TNRC6A: variants seen among roughly 807,000 people sequenced by gnomAD.
The protein encoded by TNRC6A is trinucleotide repeat containing adaptor 6A.
In TNRC6A, 44 loss-of-function variants were observed where a neutral mutation model predicts 221.2. The observed-to-expected ratio is 0.20, with a 90% CI of 0.16 to 0.26. TNRC6A has a LOEUF of 0.26. Among genes scored for constraint, TNRC6A ranks in the 10% least tolerant of loss-of-function variants. TNRC6A has a pLI of 1.00. For missense variants in TNRC6A, 2,199 were observed against 2,404.4 expected (o/e 0.91, Z 1.79); for synonymous variants, 847 against 838.5 (o/e 1.01, Z -0.18).
In TNRC6A at chr16:24,776,328, A is replaced by G. The variant is rs137991195; in HGVS notation, c.164-605A>G. 606 of 984,704 alleles carry G rather than the reference A, an allele frequency of 6.2e-4. 2 individuals are homozygous for G. In the African/African-American group the frequency reaches 0.01, roughly 16 times the overall value. 61.0% of individuals were successfully genotyped at this position (984,704 alleles called of 1,614,324 possible). ...TATCTCATTTTGATTCATCTCATAG[A>G]TAACGTTATCTTTGTCTTTAGTTCC... is the stretch of plus-strand genomic sequence containing the variant. On this transcript the variant is annotated intron_variant, in intron 4 of 24. Transcript: ENST00000395799.
chr16:24,690,966 C>A (rs1352419454), intron 2 of TNRC6A, among the ~76,000 whole-genome samples: 4 of 151,994 alleles, frequency 2.6e-5, no homozygotes, highest in African/African-American at 4.8e-5. Flanking sequence ...CGCCACCACG[C>A]CCGGCTAATT....
At chr16:24,679,579 C>A (rs1335257310) in intron 2 of TNRC6A, among the ~76,000 whole-genome samples, 3 of 152,030 alleles carry the variant, frequency 2.0e-5, no homozygotes, top group Non-Finnish European at 4.4e-5. Context: ...TGAGTTCTAG[C>A]AATTCTCCAG....
chr16:24,734,517 A>G (rs773222335), intron 2 of TNRC6A, among the ~76,000 whole-genome samples: 1 of 152,236 alleles, frequency 6.6e-6, no homozygotes, highest in Non-Finnish European at 1.5e-5. Flanking sequence ...CTATGACTTT[A>G]GATAGAGATC....
At chr16:24,645,981 T>C (rs532397321) in intron 2 of TNRC6A, among the ~76,000 whole-genome samples, 33 of 151,884 alleles carry the variant, frequency 2.2e-4, no homozygotes, top group African/African-American at 7.5e-4. Context: ...ATAATGCCAC[T>C]GCACTTCAGC....
In TNRC6A at chr16:24,817,299, C is replaced by T. The variant is rs141861048; in HGVS notation, c.4972+343C>T. On this transcript the variant is annotated intron_variant, in intron 20 of 24. Coordinates refer to ENST00000395799, the MANE Select transcript of TNRC6A (RefSeq NM_014494.4). ...TAAAGGACCAGCAAACCTTTGCTTTCCAGCAGTTGTATTAAAGGAATGAAA... is the reference window on the plus strand; with the variant it reads ...TAAAGGACCAGCAAACCTTTGCTTTTCAGCAGTTGTATTAAAGGAATGAAA... Among the ~76,000 whole-genome samples the T allele has an allele frequency of 4.3e-3, 654 of 152,166 alleles. 5 individuals carry two copies. Among genetic ancestry groups the T allele is most frequent in the Non-Finnish European group, 7.0e-3 (477 of 68,032 alleles).
rs1352770029 is a variant in TNRC6A, at chr16:24,794,559, A to G, written c.3368A>G (p.Gln1123Arg). The G allele has an allele frequency of 6.2e-7, 1 of 1,611,786 alleles. No individual in the cohort carries two copies. The highest frequency in any genetic ancestry group is 2.2e-5 in the East Asian group (1 of 44,870). Residue 1123 changes from glutamine (Q) to arginine (R), a missense_variant, in exon 8 of 25, where the codon CAA (glutamine) becomes CGA (arginine). Gln to Arg is a conservative substitution (Grantham distance 43, BLOSUM62 1). Coordinates refer to ENST00000395799, the MANE Select transcript of TNRC6A (RefSeq NM_014494.4). Reference sequence around the variant, plus strand: ...CCACAATCAGGGCCAAAATCTATGCAAGATGGCTGGTGTGGTGATGATATG... The same window carrying G: ...CCACAATCAGGGCCAAAATCTATGCGAGATGGCTGGTGTGGTGATGATATG... ...ALSKSGPKSMQDGWCGDDMPL... is the reference protein window; with the variant it reads ...ALSKSGPKSMRDGWCGDDMPL...
At chr16:24,677,786 A>C (rs148581063) in intron 2 of TNRC6A, among the ~76,000 whole-genome samples, 7 of 152,144 alleles carry the variant, frequency 4.6e-5, no homozygotes, top group Non-Finnish European at 1.0e-4. Flanking sequence ...TAGTCAGTAC[A>C]TATCTGTTGG....
intron 1 of TNRC6A, among the ~76,000 whole-genome samples, chr16:24,627,014 A>T (rs1324234251): frequency 1.3e-5 from 2 of 151,210 alleles, no homozygotes; most frequent in Admixed American, 6.6e-5. Context: ...TGGTGTCAGA[A>T]GCTAAAGCAT....
chr16:24,631,867 T>G (rs1251764747), intron 1 of TNRC6A, among the ~76,000 whole-genome samples: 1 of 146,576 alleles, frequency 6.8e-6, no homozygotes, highest in Non-Finnish European at 1.5e-5. Context: ...TTTGTTTGAG[T>G]TTTTTTTTTG....
chr16:24,755,393 T>C lies in TNRC6A; in HGVS notation c.142-2946T>C, dbSNP rs937556673. ...AATACTGAGCCAAAGCATGGGCAGA[T>C]AGGCTGAAGATAGCAGCCGCCAGCG... On this transcript the variant is annotated intron_variant, in intron 3 of 24. Transcript: ENST00000395799. Among the ~76,000 whole-genome samples, 9 of 152,358 alleles carry C rather than the reference T, an allele frequency of 5.9e-5. No individual in the cohort carries two copies. The East Asian group carries it at 1.7e-3, about 29-fold the overall frequency.
chr16:24,716,962 A>AG (rs1021197582), intron 2 of TNRC6A, among the ~76,000 whole-genome samples: 2 of 142,246 alleles, frequency 1.4e-5, no homozygotes, highest in Non-Finnish European at 3.0e-5. Flanking sequence ...TCTCAAAAAA[A>AG]AAAAAAGAAA....
Position 24,669,534 on chromosome 16 carries a change from G to T in TNRC6A, n.402+28525G>T, listed in dbSNP as rs542830053. Among the ~76,000 whole-genome samples, 60 of 151,936 alleles carry T rather than the reference G, an allele frequency of 3.9e-4. 1 individual carries two copies. The highest frequency in any genetic ancestry group is 2.1e-3 in the South Asian group (10 of 4,814). The stretch of plus-strand genomic sequence containing the variant: ...CTCCCATAGGATTCCCTGGTTGTTT[G>T]TTGAGTCATGCCTTTGTTGGACACT... On this transcript the variant is annotated intron_variant and non_coding_transcript_variant, in intron 2 of 2. Coordinates refer to the TNRC6A transcript ENST00000566108.
intron 3 of TNRC6A, among the ~76,000 whole-genome samples, chr16:24,756,710 C>G (rs778484329): frequency 1.3e-5 from 2 of 152,120 alleles, no homozygotes; most frequent in Admixed American, 6.6e-5. Context: ...CCAGGCTGGT[C>G]TCAAACTCCT....
chr16:24,660,503 T>C (rs1227564755), intron 2 of TNRC6A, among the ~76,000 whole-genome samples: 1 of 152,084 alleles, frequency 6.6e-6, no homozygotes, highest in African/African-American at 2.4e-5. Context: ...TTTGGGTTGA[T>C]TCCACATTTT....
intron 2 of TNRC6A, among the ~76,000 whole-genome samples, chr16:24,686,400 A>G (rs544583636): frequency 6.6e-6 from 1 of 152,028 alleles, no homozygotes; most frequent in East Asian, 1.9e-4. Context: ...GTTATGCCCC[A>G]TTTTCTTTCT....
chr16:24,767,925 A>G (rs927814601), intron 4 of TNRC6A, among the ~76,000 whole-genome samples: 1 of 152,188 alleles, frequency 6.6e-6, no homozygotes. Flanking sequence ...AGAGATTGCT[A>G]CAGTGTCTTC....
At chr16:24,793,317 A>G (rs1374002745) in intron 6 of TNRC6A, 156 bp from the exon 7 acceptor site, 1 of 450,554 alleles carries the variant, frequency 2.2e-6, no homozygotes, top group Non-Finnish European at 3.8e-6. Context: ...TTTAACATAA[A>G]ACAGATGCCA....
intron 2 of TNRC6A, among the ~76,000 whole-genome samples, chr16:24,730,907 A>T (rs1334937487): frequency 6.6e-6 from 1 of 151,736 alleles, no homozygotes; most frequent in Non-Finnish European, 1.5e-5. Flanking sequence ...AAATAATTAA[A>T]AATCTTTTCT....
At chr16:24,665,480 T>C (rs1007272276) in intron 2 of TNRC6A, among the ~76,000 whole-genome samples, 1 of 152,192 alleles carries the variant, frequency 6.6e-6, no homozygotes, top group Non-Finnish European at 1.5e-5. Context: ...GTGAATCTAA[T>C]GTGTAGCCAG....
Sources: gnomAD v4.1 joint callset for allele counts (sites outside exome capture counted in the v4.1 genomes callset) on GRCh38, gnomAD v4.1.1 for gene constraint, MANE v1.5 for transcripts, NCBI Gene and HGNC (gene_info 2026-07-23, HGNC 2026-07-21) for gene names.